Variants in PIK3AP1 observed in about 807,000 individuals in gnomAD.
PIK3AP1 encodes the protein phosphoinositide-3-kinase adaptor protein 1.
PIK3AP1 carries 21 observed loss-of-function variants against 88.1 expected under a neutral mutation model. That is an observed-to-expected ratio of 0.24 (90% CI 0.17 to 0.34). PIK3AP1 has a LOEUF of 0.34. Among genes scored for constraint, PIK3AP1 ranks in the 10% least tolerant of loss-of-function variants. The probability of loss-of-function intolerance (pLI) is 1.00; values close to 1 mark genes in which losing one functional copy is unlikely to be tolerated. For missense variants in PIK3AP1, 828 were observed against 1,035.7 expected, an observed-to-expected ratio of 0.80 and a Z score of 2.75; for synonymous variants, 398 against 400.0, an observed-to-expected ratio of 1.00 and a Z score of 0.06.
intron 7 of PIK3AP1, among the ~76,000 whole-genome samples, chr10:96,647,285 C>T (rs912481): frequency 0.98 from 148,971 of 152,342 alleles, 72,899 homozygotes; most frequent in East Asian, 1. Context: ...CCTGAATAGT[C>T]TGTGGCCCTA....
intron 3 of PIK3AP1, among the ~76,000 whole-genome samples, chr10:96,655,333 G>A (rs1188829491): frequency 6.6e-6 from 1 of 152,028 alleles, no homozygotes; most frequent in East Asian, 1.9e-4. Flanking sequence ...GAGAAACCTC[G>A]TCTCTACTAA....
At chr10:96,718,300 G>T (rs1007158185) in intron 1 of PIK3AP1, among the ~76,000 whole-genome samples, 19 of 152,242 alleles carry the variant, frequency 1.2e-4, no homozygotes, top group Non-Finnish European at 2.5e-4. Context: ...TGTATGGCAT[G>T]TGAATTATAT....
chr10:96,679,708 G>T (rs1344125193), intron 2 of PIK3AP1, among the ~76,000 whole-genome samples: 2 of 152,096 alleles, frequency 1.3e-5, no homozygotes, highest in Non-Finnish European at 2.9e-5. Context: ...TTTGGGGTTG[G>T]TAAGTGTTCA....
At chr10:96,715,717 C>T (rs1283489375) in intron 1 of PIK3AP1, among the ~76,000 whole-genome samples, 5 of 151,834 alleles carry the variant, frequency 3.3e-5, no homozygotes, top group South Asian at 2.1e-4. Flanking sequence ...GGTGAAAACC[C>T]GTCTCTACTA....
chr10:96,604,455 C>T (rs1473516606), intron 14 of PIK3AP1, among the ~76,000 whole-genome samples: 1 of 148,076 alleles, frequency 6.8e-6, no homozygotes, highest in Non-Finnish European at 1.5e-5. Context: ...GCCTCAGCCT[C>T]TCAAAGTGCT....
At chr10:96,621,496 ACT>A (rs1843083234) in intron 11 of PIK3AP1, 1 of 152,330 alleles carries the variant, frequency 6.6e-6, no homozygotes, top group African/African-American at 2.4e-5. Context: ...CTCTCCCAGG[ACT>A]TGATCTTCAC....
chr10:96,647,630 T>C (rs1036137998), intron 7 of PIK3AP1, among the ~76,000 whole-genome samples: 34 of 152,232 alleles, frequency 2.2e-4, no homozygotes, highest in Non-Finnish European at 3.7e-4. Context: ...TATACACCTG[T>C]AAACACTGGG....
At chr10:96,612,364 A>G (rs1052521924) in intron 13 of PIK3AP1, among the ~76,000 whole-genome samples, 1 of 152,226 alleles carries the variant, frequency 6.6e-6, no homozygotes, top group African/African-American at 2.4e-5. Context: ...GTTATTAAGA[A>G]CAGTCTTAAT....
Position 96,652,861 on chromosome 10 carries a change from C to A in PIK3AP1, c.568-19G>T. ...TTTCTGCCTGAAACGGGAAGCCGGT[C>A]ATTGTCCCCTCTCCCTCTCAGATCC... On this transcript the variant is annotated intron_variant, in intron 3 of 16. Coordinates refer to ENST00000339364, the MANE Select transcript of PIK3AP1 (RefSeq NM_152309.3). The A allele has an allele frequency of 6.2e-7, 1 of 1,609,846 alleles. No homozygotes were observed. The highest frequency in any genetic ancestry group is 1.1e-5 in the South Asian group (1 of 90,934).
At chr10:96,614,089 G>C (rs1305244703) in intron 13 of PIK3AP1, among the ~76,000 whole-genome samples, 1 of 152,078 alleles carries the variant, frequency 6.6e-6, no homozygotes, top group South Asian at 2.1e-4. Flanking sequence ...AGTATCTCCA[G>C]TGGCACCAGG....
Position 96,645,596 on chromosome 10 carries a change from C to A in PIK3AP1, c.1252G>T (p.Val418Leu), listed in dbSNP as rs562166763. Residue 418 changes from valine (V) to leucine (L), a missense_variant, in exon 8 of 17, where the codon GTG becomes TTG. Coordinates refer to ENST00000339364, the MANE Select transcript of PIK3AP1 (RefSeq NM_152309.3). ...ELMHGEEADA[V>L]YESMAHLSTD... The stretch of plus-strand genomic sequence containing the variant: ...GAAAGGTGGGCCATGGACTCGTACA[C>A]AGCATCAGCCTCCTCCCCGTGCATC... The A allele has an allele frequency of 6.2e-7, 1 of 1,613,262 alleles. No homozygotes were observed. Among genetic ancestry groups the A allele is most frequent in the Admixed American group, 1.7e-5 (1 of 59,916 alleles).
At position 96,593,971 on chromosome 10, in the gene PIK3AP1, A is replaced by AT. The variant is rs998079650; in HGVS notation, c.*1605dup. 1.2e-4 allele frequency: 18 copies of AT among 152,200 alleles called. No individual in the cohort carries two copies. The highest frequency in any genetic ancestry group is 2.4e-4 in the Non-Finnish European group (16 of 68,028). The allele number at this position is 152,200 out of a possible 1,614,324, so 9.4% of individuals were successfully genotyped here. On this transcript the variant is annotated 3_prime_UTR_variant, in exon 17 of 17. Transcript: ENST00000339364. ...ATACTTAAATGGATCATTAATGTGGATTTTTTTACATTCGTGTGGGATAGA... is the reference window on the plus strand; with the variant it reads ...ATACTTAAATGGATCATTAATGTGGATTTTTTTTACATTCGTGTGGGATAGA...
intron 2 of PIK3AP1, among the ~76,000 whole-genome samples, chr10:96,706,332 G>C (rs1260307705): frequency 1.3e-5 from 2 of 152,120 alleles, no homozygotes; most frequent in East Asian, 3.8e-4. Context: ...CTTTTATTTT[G>C]AGGTACCTTA....
intron 2 of PIK3AP1, among the ~76,000 whole-genome samples, chr10:96,703,939 A>G (rs1244607279): frequency 6.6e-6 from 1 of 152,244 alleles, no homozygotes; most frequent in Non-Finnish European, 1.5e-5. Flanking sequence ...CTCCAATTAA[A>G]ACATCTGCTT....
At chr10:96,692,698 G>A (rs971987659) in intron 2 of PIK3AP1, among the ~76,000 whole-genome samples, 7 of 152,150 alleles carry the variant, frequency 4.6e-5, no homozygotes, top group Non-Finnish European at 1.0e-4. Flanking sequence ...TAGTCCTTGT[G>A]GGGTTTTAGA....
At chr10:96,705,060 A>C (rs563077062) in intron 2 of PIK3AP1, among the ~76,000 whole-genome samples, 1 of 152,300 alleles carries the variant, frequency 6.6e-6, no homozygotes, top group African/African-American at 2.4e-5. Context: ...AGGTATCTCA[A>C]AGTTAAGAAA....
chr10:96,651,488 GT>G lies in PIK3AP1; in HGVS notation c.855+20del, dbSNP rs892246321. 2 of 1,613,934 alleles carry G rather than the reference GT, an allele frequency of 1.2e-6. No individual in the cohort carries two copies. Among genetic ancestry groups the G allele is most frequent in the African/African-American group, 2.7e-5 (2 of 74,888 alleles). On this transcript the variant is annotated intron_variant, in intron 5 of 16. Coordinates refer to ENST00000339364, the MANE Select transcript of PIK3AP1 (RefSeq NM_152309.3). ...GAAATTACATGCCCAGAAATCTCAG[GT>G]TTCCTTGTAATATCCTTACCTGACA...
intron 6 of PIK3AP1, 44 bp downstream of exon 6, chr10:96,651,204 G>A (rs1218899311): frequency 1.8e-5 from 29 of 1,612,514 alleles, no homozygotes; most frequent in Non-Finnish European, 2.4e-5. Flanking sequence ...CAGCAGGCTA[G>A]AATCAGCCCA....
intron 11 of PIK3AP1, chr10:96,621,346 A>T (rs1266622391): frequency 1.3e-5 from 2 of 152,820 alleles, no homozygotes. Context: ...CCTCAAAGGC[A>T]ACAAACACCT....
Sources: gnomAD v4.1 joint callset for allele counts (sites outside exome capture counted in the v4.1 genomes callset) on GRCh38, gnomAD v4.1.1 for gene constraint, MANE v1.5 for transcripts, NCBI Gene and HGNC (gene_info 2026-07-23, HGNC 2026-07-21) for gene names.